The following UBE3A variants were observed in gnomAD, a reference collection of about 807,000 sequenced individuals.
The protein encoded by UBE3A is ubiquitin protein ligase E3A.
Under a neutral mutation model 83.4 loss-of-function variants are expected in UBE3A, and 6 were observed. That is an observed-to-expected ratio of 0.07 (90% CI 0.04 to 0.14). UBE3A has a LOEUF of 0.14. Among genes scored for constraint, UBE3A ranks in the 10% least tolerant of loss-of-function variants. The probability of loss-of-function intolerance (pLI) is 1.00; values close to 1 mark genes in which losing one functional copy is unlikely to be tolerated. For missense variants in UBE3A, 456 were observed against 1,036.1 expected, an observed-to-expected ratio of 0.44 and a Z score of 7.69; for synonymous variants, 337 against 355.4, an observed-to-expected ratio of 0.95 and a Z score of 0.58.
chr15:25,352,029 T>C (rs1010178341), intron 11 of UBE3A, among the ~76,000 whole-genome samples: 1 of 152,036 alleles, frequency 6.6e-6, no homozygotes, highest in African/African-American at 2.4e-5. Context: ...CCCTTATCTC[T>C]ACTAAAAATA....
chr15:25,379,595 T>G (rs2081827041), intron 4 of UBE3A, among the ~76,000 whole-genome samples: 4 of 152,146 alleles, frequency 2.6e-5, no homozygotes, highest in Admixed American at 2.6e-4. Context: ...TCTGACCTCA[T>G]CTGCATCACT....
chr15:25,364,641 G>GGT (rs1555395585), intron 6 of UBE3A, among the ~76,000 whole-genome samples: 25 of 132,500 alleles, frequency 1.9e-4, no homozygotes, highest in African/African-American at 7.4e-4. Flanking sequence ...GGTTTTTTTT[G>GGT]TTTGTTTTTT....
intron 4 of UBE3A, among the ~76,000 whole-genome samples, chr15:25,403,789 TGAAA>T (rs1004793949): frequency 6.6e-6 from 1 of 152,156 alleles, no homozygotes; most frequent in African/African-American, 2.4e-5. Context: ...ATGCAAATTT[TGAAA>T]CATGCTAAAG....
intron 2 of UBE3A, among the ~76,000 whole-genome samples, chr15:25,410,029 A>C (rs1051029958): frequency 1.3e-5 from 2 of 152,112 alleles, no homozygotes; most frequent in South Asian, 4.1e-4. Context: ...GCATTAGGAA[A>C]TATACCTAAT....
At chr15:25,375,801 T>A (rs373276085) in intron 4 of UBE3A, 38 bp from the exon 5 acceptor site, 1 of 1,601,266 alleles carries the variant, frequency 6.2e-7, no homozygotes, top group African/African-American at 1.3e-5. Flanking sequence ...CAGTGATTAG[T>A]ACAGCTCTCA....
intron 4 of UBE3A, chr15:25,393,691 A>G (rs1215628598): frequency 6.6e-6 from 1 of 152,334 alleles, no homozygotes; most frequent in South Asian, 2.1e-4. Context: ...ATTCAGCCAG[A>G]AACAGTTCAT....
chr15:25,336,078 C>T lies in UBE3A; in HGVS notation c.*3059G>A, dbSNP rs1299136577. On this transcript the variant is annotated 3_prime_UTR_variant, in exon 13 of 13. Transcript: ENST00000648336. ...CAGTGCCTATTAATAAATGCCAACC[C>T]ACTAACGGGGAGGGGAGAAAAGACT... 1 of 152,184 alleles carries T rather than the reference C, an allele frequency of 6.6e-6. No homozygotes were observed. Among genetic ancestry groups the T allele is most frequent in the East Asian group, 1.9e-4 (1 of 5,188 alleles). 9.4% of individuals were successfully genotyped at this position (152,184 alleles called of 1,614,324 possible).
chr15:25,437,921 T>C (rs1376143688), intron 1 of UBE3A: 1 of 152,162 alleles, frequency 6.6e-6, no homozygotes, highest in African/African-American at 2.4e-5. Flanking sequence ...GCAAAGCCAA[T>C]AACTCACGTT....
chr15:25,426,041 A>T (rs948213444), intron 1 of UBE3A, among the ~76,000 whole-genome samples: 1 of 152,004 alleles, frequency 6.6e-6, no homozygotes, highest in African/African-American at 2.4e-5. Flanking sequence ...TTTTTTTTTT[A>T]AATAAGGTAT....
intron 4 of UBE3A, among the ~76,000 whole-genome samples, chr15:25,395,738 T>C (rs887124899): frequency 8.5e-5 from 13 of 152,228 alleles, no homozygotes; most frequent in African/African-American, 2.4e-4. Context: ...GAGTTGTCAA[T>C]AGACAGAGTC....
chr15:25,367,193 ATTTACATATT>A (rs1475401896), intron 6 of UBE3A, among the ~76,000 whole-genome samples: 1 of 119,030 alleles, frequency 8.4e-6, no homozygotes, highest in East Asian at 2.1e-4. Flanking sequence ...ATATGTAAAT[ATTTACATATT>A]TGTAAATATG....
intron 1 of UBE3A, among the ~76,000 whole-genome samples, chr15:25,419,907 G>A (rs1888911736): frequency 1.3e-5 from 2 of 151,844 alleles, no homozygotes; most frequent in South Asian, 2.1e-4. Flanking sequence ...AGAGGGACAA[G>A]CTAATAATGG....
intron 1 of UBE3A, among the ~76,000 whole-genome samples, chr15:25,419,893 A>G (rs1352731202): frequency 6.6e-6 from 1 of 152,100 alleles, no homozygotes; most frequent in Non-Finnish European, 1.5e-5. Flanking sequence ...GGGGGAAAAA[A>G]AACAGAGGGA....
chr15:25,373,242 G>A (rs546715835), intron 5 of UBE3A, among the ~76,000 whole-genome samples: 2 of 152,234 alleles, frequency 1.3e-5, no homozygotes, highest in Admixed American at 1.3e-4. Context: ...TTCCTAAAAT[G>A]TAACATAACA....
intron 4 of UBE3A, among the ~76,000 whole-genome samples, chr15:25,384,331 C>T (rs986296743): frequency 2.0e-5 from 3 of 151,238 alleles, no homozygotes; most frequent in South Asian, 2.1e-4. Context: ...CTTGGTGGCG[C>T]GCGCCTGTAA....
At chr15:25,405,678 C>G in intron 3 of UBE3A, 176 bp from the exon 4 acceptor site, 1 of 657,704 alleles carries the variant, frequency 1.5e-6, no homozygotes, top group Non-Finnish European at 2.7e-6. Context: ...CCATACAACA[C>G]ATTTATTTTA....
intron 9 of UBE3A, among the ~76,000 whole-genome samples, chr15:25,354,985 T>C (rs1371385780): frequency 1.3e-5 from 2 of 152,160 alleles, no homozygotes; most frequent in Non-Finnish European, 2.9e-5. Context: ...TATTAAGCTA[T>C]GAAAAGGCCA....
intron 9 of UBE3A, 46 bp downstream of exon 9, chr15:25,355,846 A>C: frequency 6.4e-7 from 1 of 1,555,414 alleles, no homozygotes; most frequent in Non-Finnish European, 8.8e-7. Context: ...ACATGCTTTG[A>C]AAGTGTTAAT....
Position 25,354,830 on chromosome 15 carries a change from C to T in UBE3A, c.2125-147G>A. On this transcript the variant is annotated intron_variant, in intron 9 of 12. Coordinates refer to ENST00000648336, the MANE Select transcript of UBE3A (RefSeq NM_130839.5). ...ATTCAATTTTACACCTACTTCTTAA[C>T]AATTTCACAATTCTCTGTTATAGCC... 4 of 734,852 alleles carry T rather than the reference C, an allele frequency of 5.4e-6. No individual in the cohort carries two copies. In the South Asian group the frequency reaches 5.6e-5, roughly 10 times the overall value. The allele number at this position is 734,852 out of a possible 1,614,324, so 45.5% of individuals were successfully genotyped here.
Sources: gnomAD v4.1 joint callset for allele counts (sites outside exome capture counted in the v4.1 genomes callset) on GRCh38, gnomAD v4.1.1 for gene constraint, MANE v1.5 for transcripts, NCBI Gene and HGNC (gene_info 2026-07-23, HGNC 2026-07-21) for gene names.